The following KCNH5 variants were observed in gnomAD, a reference collection of about 807,000 sequenced individuals.
KCNH5 encodes voltage-gated delayed rectifier potassium channel KCNH5.
Under a neutral mutation model 96.1 loss-of-function variants are expected in KCNH5, and 46 were observed. The observed-to-expected ratio is 0.48, with a 90% CI of 0.38 to 0.61. The LOEUF is 0.61. Among genes scored for constraint, KCNH5 ranks in the 20% least tolerant of loss-of-function variants. The probability of loss-of-function intolerance (pLI) is 0.00; values close to 1 mark genes in which losing one functional copy is unlikely to be tolerated. For synonymous variants in KCNH5, 439 were observed against 449.8 expected, an observed-to-expected ratio of 0.98 and a Z score of 0.30; for missense variants, 907 against 1,225.8, an observed-to-expected ratio of 0.74 and a Z score of 3.88.
At chr14:62,791,583 T>C (rs1215325387) in intron 9 of KCNH5, among the ~76,000 whole-genome samples, 2 of 151,698 alleles carry the variant, frequency 1.3e-5, no homozygotes, top group Admixed American at 1.3e-4. Context: ...GAATGGAAGA[T>C]ATTCCATGCA....
chr14:62,743,200 TCACCTGGGGAG>T (rs1329302493), intron 10 of KCNH5, among the ~76,000 whole-genome samples: 4 of 152,218 alleles, frequency 2.6e-5, no homozygotes, highest in Non-Finnish European at 5.9e-5. Context: ...TAGTTTAGAC[TCACCTGGGGAG>T]CTGTGAATAA....
intron 7 of KCNH5, among the ~76,000 whole-genome samples, chr14:62,889,724 AG>A (rs1888666564): frequency 6.6e-6 from 1 of 152,224 alleles, no homozygotes; most frequent in South Asian, 2.1e-4. Context: ...TGGCTCATTA[AG>A]TGCCATATTC....
intron 8 of KCNH5, among the ~76,000 whole-genome samples, chr14:62,844,529 ACTTATTCCACC>A (rs1272955153): frequency 6.6e-6 from 1 of 152,022 alleles, no homozygotes; most frequent in African/African-American, 2.4e-5. Flanking sequence ...TTAAATCCTC[ACTTATTCCACC>A]CATTTCTTCT....
intron 7 of KCNH5, among the ~76,000 whole-genome samples, chr14:62,913,091 G>T (rs1446993164): frequency 6.6e-6 from 1 of 152,208 alleles, no homozygotes; most frequent in East Asian, 1.9e-4. Context: ...GAGTCAAAAT[G>T]TATGGGGTAA....
At chr14:62,714,616 C>A (rs1208571529) in intron 10 of KCNH5, among the ~76,000 whole-genome samples, 1 of 152,026 alleles carries the variant, frequency 6.6e-6, no homozygotes, top group Non-Finnish European at 1.5e-5. Flanking sequence ...GATCATTTTT[C>A]TCTAGAAAAC....
chr14:62,963,376 T>C (rs1398090869), intron 6 of KCNH5, among the ~76,000 whole-genome samples: 3 of 152,144 alleles, frequency 2.0e-5, no homozygotes, highest in East Asian at 3.9e-4. Context: ...TGTATATAGA[T>C]GTTGATATTT....
rs1038854511 is a variant in KCNH5, at chr14:62,699,651, C to A, written c.*7857G>T. 1 of 152,108 alleles carries A rather than the reference C, an allele frequency of 6.6e-6. No homozygotes were observed. The highest frequency in any genetic ancestry group is 2.4e-5 in the African/African-American group (1 of 41,440). The allele number at this position is 152,108 out of a possible 1,614,324, so 9.4% of individuals were successfully genotyped here. On this transcript the variant is annotated 3_prime_UTR_variant, in exon 11 of 11. Transcript: ENST00000322893. Reference sequence around the variant, plus strand: ...AAAATGACCATTTTTTGAGAACAAACGTTAAATAAAGTGATAATCACCACA... The same window carrying A: ...AAAATGACCATTTTTTGAGAACAAAAGTTAAATAAAGTGATAATCACCACA...
intron 7 of KCNH5, among the ~76,000 whole-genome samples, chr14:62,921,958 T>C (rs1889387987): frequency 6.6e-6 from 1 of 152,118 alleles, no homozygotes; most frequent in South Asian, 2.1e-4. Context: ...GCTTAAAACA[T>C]GCTTGCAATG....
intron 7 of KCNH5, among the ~76,000 whole-genome samples, chr14:62,915,032 G>T (rs577125861): frequency 6.6e-6 from 1 of 152,350 alleles, no homozygotes; most frequent in East Asian, 1.9e-4. Context: ...CAGACAATAA[G>T]TGTCTTACGG....
intron 7 of KCNH5, among the ~76,000 whole-genome samples, chr14:62,902,658 T>A (rs1888950499): frequency 1.3e-5 from 2 of 152,002 alleles, no homozygotes; most frequent in South Asian, 4.1e-4. Flanking sequence ...TTTAGGCAAA[T>A]CACTTAATTT....
chr14:62,869,295 T>C (rs575524467), intron 7 of KCNH5, among the ~76,000 whole-genome samples: 1 of 152,156 alleles, frequency 6.6e-6, no homozygotes, highest in African/African-American at 2.4e-5. Context: ...CAGTGATGAC[T>C]AGCTTTTTTT....
intron 9 of KCNH5, among the ~76,000 whole-genome samples, chr14:62,799,718 T>C (rs1181014805): frequency 2.6e-5 from 3 of 114,736 alleles, no homozygotes; most frequent in Middle Eastern, 4.2e-3. Flanking sequence ...TATATATATA[T>C]ATATATATAC....
intron 10 of KCNH5, among the ~76,000 whole-genome samples, chr14:62,714,087 AC>A (rs1331647966): frequency 6.6e-6 from 1 of 151,452 alleles, no homozygotes; most frequent in Non-Finnish European, 1.5e-5. Context: ...GTTTGAGACC[AC>A]CCTGGGTAAC....
intron 7 of KCNH5, among the ~76,000 whole-genome samples, chr14:62,939,071 T>TC (rs1404920520): frequency 1.3e-5 from 2 of 152,114 alleles, no homozygotes; most frequent in Non-Finnish European, 2.9e-5. Flanking sequence ...CCCCATGAGT[T>TC]CCCCATGTGG....
chr14:62,939,081 G>A (rs780218239), intron 7 of KCNH5, among the ~76,000 whole-genome samples: 3 of 152,014 alleles, frequency 2.0e-5, no homozygotes, highest in Non-Finnish European at 2.9e-5. Flanking sequence ...TCCCCATGTG[G>A]CTCTCTCCCC....
intron 8 of KCNH5, among the ~76,000 whole-genome samples, chr14:62,825,489 C>T (rs1887204414): frequency 6.6e-6 from 1 of 151,762 alleles, no homozygotes; most frequent in South Asian, 2.1e-4. Flanking sequence ...TAATTTCCTT[C>T]CAGAAGACAA....
intron 1 of KCNH5, among the ~76,000 whole-genome samples, chr14:63,024,752 A>G (rs1891494384): frequency 6.6e-6 from 1 of 152,168 alleles, no homozygotes; most frequent in Non-Finnish European, 1.5e-5. Context: ...CCAATAACAA[A>G]TAAGGAGATT....
intron 2 of KCNH5, among the ~76,000 whole-genome samples, chr14:63,016,492 G>C (rs993186273): frequency 2.6e-5 from 4 of 151,986 alleles, no homozygotes; most frequent in Admixed American, 1.3e-4. Context: ...TGTTCCAGAG[G>C]TGCTGTAGAT....
At chr14:63,029,780 A>C (rs185065996) in intron 1 of KCNH5, among the ~76,000 whole-genome samples, 1,751 of 152,160 alleles carry the variant, frequency 0.012, 25 homozygotes, top group African/African-American at 0.03. Flanking sequence ...AACACTCTCT[A>C]TGTATATGAA....
Sources: allele counts gnomAD v4.1 joint callset (sites outside exome capture counted in the v4.1 genomes callset), GRCh38; gene constraint gnomAD v4.1.1; transcripts MANE v1.5; gene names NCBI Gene and HGNC (gene_info 2026-07-23, HGNC 2026-07-21).